Variants in VPS9D1 observed in about 807,000 individuals in gnomAD.
The protein encoded by VPS9D1 is VPS9 domain containing 1, also known as VPS9 domain-containing protein 1.
Under a neutral mutation model 75.8 loss-of-function variants are expected in VPS9D1, and 78 were observed. The observed-to-expected ratio is 1.03, with a 90% CI of 0.86 to 1.24. The LOEUF (loss-of-function observed/expected upper bound fraction) is 1.24. VPS9D1 is among the 50% of genes most tolerant of loss of function. The pLI is 0.00. For synonymous variants in VPS9D1, 481 were observed against 385.6 expected, an observed-to-expected ratio of 1.25 and a Z score of -2.90; for missense variants, 1,057 against 847.7, an observed-to-expected ratio of 1.25 and a Z score of -3.07.
chr16:89,707,801 AG>A lies in VPS9D1; in HGVS notation c.*59del. On this transcript the variant is annotated 3_prime_UTR_variant, in exon 15 of 15. Coordinates refer to ENST00000389386, the MANE Select transcript of VPS9D1 (RefSeq NM_004913.3). Reference sequence around the variant, plus strand: ...CAGTAGATCCCATGGCTCCAGGTGTAGGAGAGACAGCCCTGGGAGGCGAGGC... The same window carrying A: ...CAGTAGATCCCATGGCTCCAGGTGTAGAGAGACAGCCCTGGGAGGCGAGGC... The A allele has an allele frequency of 6.8e-7, 1 of 1,480,294 alleles. No individual in the cohort carries two copies. The highest frequency in any genetic ancestry group is 9.4e-7 in the Non-Finnish European group (1 of 1,062,188). 91.7% of individuals were successfully genotyped at this position (1,480,294 alleles called of 1,614,324 possible).
chr16:89,712,822 A>T (rs2060968461), intron 4 of VPS9D1, 106 bp from the exon 5 acceptor site: 1 of 977,206 alleles, frequency 1.0e-6, no homozygotes, highest in East Asian at 2.9e-5. Flanking sequence ...CCAGGAGGTG[A>T]GGAGAAAGAG....
At chr16:89,718,986 T>C (rs1158351674) in intron 2 of VPS9D1, 41 bp downstream of exon 2, 19 of 1,573,226 alleles carry the variant, frequency 1.2e-5, no homozygotes, top group Non-Finnish European at 1.6e-5. Context: ...AGTGCTGGGA[T>C]TACAGGCGTG....
intron 13 of VPS9D1, 140 bp from the exon 14 acceptor site, chr16:89,708,671 A>G: frequency 8.9e-7 from 1 of 1,119,546 alleles, no homozygotes; most frequent in Non-Finnish European, 1.3e-6. Flanking sequence ...GCAGCTGGGC[A>G]TGGTGAGGCT....
intron 2 of VPS9D1, chr16:89,717,753 A>G (rs536721133): frequency 1.1e-5 from 5 of 455,226 alleles, no homozygotes; most frequent in East Asian, 7.0e-5. Flanking sequence ...CCTCCACCCA[A>G]CTCCTCAATC....
chr16:89,709,025 G>GGGGGGGGCCC, intron 12 of VPS9D1, 69 bp from the exon 13 acceptor site: 2 of 627,132 alleles, frequency 3.2e-6, no homozygotes, highest in Non-Finnish European at 4.0e-6. Context: ...CTTATACCCC[G>GGGGGGGGCCC]CCCACCCACC....
intron 1 of VPS9D1, 107 bp from the exon 2 acceptor site, chr16:89,719,209 T>TTA (rs1193478306): frequency 1.9e-6 from 2 of 1,045,400 alleles, no homozygotes; most frequent in Non-Finnish European, 3.0e-6. Context: ...CACCACCTGC[T>TTA]TATCTCTGAG....
rs1038244079 is a variant in VPS9D1 at position 89,712,010 on chromosome 16, TC to T, written c.659+36del. The T allele has an allele frequency of 2.6e-6, 4 of 1,549,132 alleles. No homozygotes were observed. The African/African-American group carries it at 5.5e-5, about 21-fold the overall frequency. ...CGCGGTGGGTGCCGGGGCCAGGCCC[TC>T]CCCGCAGCGGCCCCAGGGGCGGGCA... is the stretch of plus-strand genomic sequence containing the variant. On this transcript the variant is annotated intron_variant, in intron 7 of 14. Coordinates refer to ENST00000389386, the MANE Select transcript of VPS9D1 (RefSeq NM_004913.3).
intron 2 of VPS9D1, 24 bp downstream of exon 2, chr16:89,719,003 C>T (rs202028656): frequency 2.4e-5 from 39 of 1,607,174 alleles, no homozygotes; most frequent in African/African-American, 2.3e-4. Flanking sequence ...CGTGAGCCAC[C>T]GCGCCCGGCT....
chr16:89,707,914 G>A lies in VPS9D1; in HGVS notation c.1843C>T (p.Gln615Ter). The change falls in exon 15 of 15, where the codon CAG becomes TAG. Residue 615 changes from glutamine to a stop codon, truncating the protein, a stop_gained. Coordinates refer to ENST00000389386, the MANE Select transcript of VPS9D1 (RefSeq NM_004913.3). LOFTEE classifies it high-confidence loss of function. ...AGCTCCACGTAGCTCAGGGCACTCT[G>A]CAGTGATGTGAGGCAGTAGCCCTCC... is the stretch of plus-strand genomic sequence containing the variant. ...GEEGYCLTSLQSALSYVELLP... is the reference protein window; with the variant it reads ...GEEGYCLTSL The A allele has an allele frequency of 6.2e-7, 1 of 1,613,152 alleles. No individual in the cohort carries two copies. The highest frequency in any genetic ancestry group is 8.5e-7 in the Non-Finnish European group (1 of 1,179,968).
At chr16:89,720,286 G>A in intron 1 of VPS9D1, 2 of 568,108 alleles carry the variant, frequency 3.5e-6, no homozygotes, top group Non-Finnish European at 4.4e-6. Context: ...CCCATCTCAG[G>A]AACGGGCCAC....
At chr16:89,711,512 C>A in intron 8 of VPS9D1, 100 bp from the exon 9 acceptor site, 1 of 1,189,676 alleles carries the variant, frequency 8.4e-7, no homozygotes, top group Non-Finnish European at 1.2e-6. Context: ...TGTGGGAGCC[C>A]GTCCTGGGGT....
chr16:89,719,092 G>C lies in VPS9D1; in HGVS notation c.110C>G (p.Thr37Arg), dbSNP rs372355723. 8 of 1,613,432 alleles carry C rather than the reference G, an allele frequency of 5.0e-6. No homozygotes were observed. Among genetic ancestry groups the C allele is most frequent in the Admixed American group, 1.7e-5 (1 of 60,002 alleles). Residue 37 changes from threonine (T) to arginine (R), a missense_variant, in exon 2 of 15, where the codon ACG (threonine) becomes AGG (arginine). By Grantham distance (71) the Thr-to-Arg change is moderately conservative. Coordinates refer to ENST00000389386, the MANE Select transcript of VPS9D1 (RefSeq NM_004913.3). ...DTGNRPREAY[T>R]EYLRSIHYIS... Reference sequence around the variant, plus strand: ...ATAGTGGATGCTCCTCAGGTATTCCGTGTATGCCTCCTGTGTCCAGGAAAG... The same window carrying C: ...ATAGTGGATGCTCCTCAGGTATTCCCTGTATGCCTCCTGTGTCCAGGAAAG...
intron 4 of VPS9D1, among the ~76,000 whole-genome samples, chr16:89,714,431 A>C (rs540587956): frequency 1.6e-4 from 25 of 152,258 alleles, no homozygotes; most frequent in Admixed American, 5.9e-4. Context: ...TCTCCTTTAT[A>C]CAGTTCCCAA....
At chr16:89,712,556 C>G (rs776201695) in intron 5 of VPS9D1, 34 bp from the exon 6 acceptor site, 2 of 1,609,954 alleles carry the variant, frequency 1.2e-6, no homozygotes, top group Non-Finnish European at 1.7e-6. Context: ...GCCGACTCCC[C>G]TCTGCCCCGC....
intron 2 of VPS9D1, chr16:89,717,630 C>G (rs1231397046): frequency 2.2e-6 from 1 of 456,560 alleles, no homozygotes; most frequent in African/African-American, 2.0e-5. Flanking sequence ...GATTTAGCCC[C>G]CGACTCCCCC....
intron 4 of VPS9D1, 27 bp from the exon 5 acceptor site, chr16:89,712,743 G>T: frequency 6.5e-7 from 1 of 1,529,602 alleles, no homozygotes; most frequent in South Asian, 1.3e-5. Context: ...CTGCTGTCTA[G>T]ACCCCAGGAA....
At chr16:89,719,269 G>A (rs527557136) in intron 1 of VPS9D1, 167 bp from the exon 2 acceptor site, 94 of 693,088 alleles carry the variant, frequency 1.4e-4, no homozygotes, top group South Asian at 1.1e-3. Context: ...GCCGGAACAC[G>A]GTTTTCTGCG....
At chr16:89,720,520 G>A (rs1159777748) in intron 1 of VPS9D1, 89 of 1,154,412 alleles carry the variant, frequency 7.7e-5, no homozygotes, top group Middle Eastern at 3.6e-4. Context: ...AGCCCAGGCT[G>A]TGATGCACCG....
At chr16:89,714,885 C>A (rs1287158875) in intron 4 of VPS9D1, among the ~76,000 whole-genome samples, 4 of 152,062 alleles carry the variant, frequency 2.6e-5, no homozygotes, top group Non-Finnish European at 5.9e-5. Context: ...CAGGCACGCG[C>A]CACCATGCCC....
Sources: allele counts gnomAD v4.1 joint callset (sites outside exome capture counted in the v4.1 genomes callset), GRCh38; gene constraint gnomAD v4.1.1; transcripts MANE v1.5; gene names NCBI Gene and HGNC (gene_info 2026-07-23, HGNC 2026-07-21).